Variants in PEX3 observed in about 807,000 individuals in gnomAD.
PEX3 encodes the protein peroxisomal biogenesis factor 3.
PEX3 carries 30 observed loss-of-function variants against 55.8 expected under a neutral mutation model. The observed-to-expected ratio is 0.54, with a 90% CI of 0.40 to 0.73. The LOEUF is 0.73. Ranked by LOEUF, PEX3 falls within the 30% of genes least tolerant of loss-of-function variation. PEX3 has a pLI of 0.00. For missense variants in PEX3, 351 were observed against 432.8 expected, an observed-to-expected ratio of 0.81 and a Z score of 1.68; for synonymous variants, 135 against 148.4, an observed-to-expected ratio of 0.91 and a Z score of 0.66.
In PEX3 at chr6:143,462,406, C is replaced by A. The variant is rs1192100686; in HGVS notation, c.206-510C>A. Among the ~76,000 whole-genome samples, 1 of 152,158 alleles carries A rather than the reference C, an allele frequency of 6.6e-6. No individual in the cohort carries two copies. Among genetic ancestry groups the A allele is most frequent in the Non-Finnish European group, 1.5e-5 (1 of 68,032 alleles). On this transcript the variant is annotated intron_variant, in intron 2 of 11. Coordinates refer to ENST00000367591, the MANE Select transcript of PEX3 (RefSeq NM_003630.3). This position sits in a 1 kb window ranked among gnomAD's most constrained non-coding sequence, Gnocchi z 4.1. ...ACTCAGCAACTCTTAGTTCCTAACC[C>A]AGTGCACTTTTGTCTAGGTTATAAT...
Position 143,486,825 on chromosome 6 carries a change from A to G in PEX3, c.1038+1577A>G, listed in dbSNP as rs1375272819. Among the ~76,000 whole-genome samples, 1 of 152,216 alleles carries G rather than the reference A, an allele frequency of 6.6e-6. No individual in the cohort carries two copies. The highest frequency in any genetic ancestry group is 1.5e-5 in the Non-Finnish European group (1 of 68,024). On this transcript the variant is annotated intron_variant, in intron 11 of 11. Transcript: ENST00000367591. This position sits in a 1 kb window ranked among gnomAD's most constrained non-coding sequence, Gnocchi z 5.0. Reference sequence around the variant, plus strand: ...GGGGTTTGGCAAACTGTACAGGGCCAGATAGTACATACTTTAGGCTTAATG... The same window carrying G: ...GGGGTTTGGCAAACTGTACAGGGCCGGATAGTACATACTTTAGGCTTAATG...
chr6:143,474,907 T>A (rs1780131326), intron 9 of PEX3, 51 bp downstream of exon 9: 1 of 945,238 alleles, frequency 1.1e-6, no homozygotes, highest in Non-Finnish European at 1.7e-6. Flanking sequence ...TTGAATGTAC[T>A]TGAGACTATT....
intron 1 of PEX3, among the ~76,000 whole-genome samples, chr6:143,452,913 T>C (rs1305437733): frequency 2.0e-5 from 3 of 152,208 alleles, no homozygotes; most frequent in Non-Finnish European, 4.4e-5. Context: ...GGTGCCCACT[T>C]TACGCTGGGC....
chr6:143,489,278 C>A lies in PEX3; in HGVS notation c.*52C>A. 2.1e-6 allele frequency: 2 copies of A among 941,132 alleles called. No individual in the cohort carries two copies. The highest frequency in any genetic ancestry group is 3.5e-6 in the Non-Finnish European group (2 of 566,922). The allele number at this position is 941,132 out of a possible 1,614,324, so 58.3% of individuals were successfully genotyped here. On this transcript the variant is annotated 3_prime_UTR_variant, in exon 12 of 12. Transcript: ENST00000367591. This position sits in a 1 kb window ranked among gnomAD's most constrained non-coding sequence, Gnocchi z 5.5. Reference sequence around the variant, plus strand: ...GGATTCATTTACTTTTTAAAATACACTGGGTAAATCACCTATACTTAGAGT... The same window carrying A: ...GGATTCATTTACTTTTTAAAATACAATGGGTAAATCACCTATACTTAGAGT...
intron 1 of PEX3, among the ~76,000 whole-genome samples, chr6:143,457,987 G>A (rs1371482177): frequency 2.0e-5 from 3 of 152,180 alleles, no homozygotes; most frequent in Admixed American, 1.3e-4. Context: ...TAGTTCATAT[G>A]AATATTACTA....
chr6:143,474,747 A>G (rs1340334751), intron 8 of PEX3, 39 bp from the exon 9 acceptor site: 1 of 1,007,748 alleles, frequency 9.9e-7, no homozygotes, highest in Admixed American at 1.7e-5. Context: ...CCCTGTGCTA[A>G]TGTTTGAAAA....
In PEX3 at chr6:143,479,429, T is replaced by C. The variant is rs1269981810; in HGVS notation, c.941+231T>C. Among the ~76,000 whole-genome samples, 2 of 152,158 alleles carry C rather than the reference T, an allele frequency of 1.3e-5. No individual in the cohort carries two copies. Among genetic ancestry groups the C allele is most frequent in the Non-Finnish European group, 2.9e-5 (2 of 67,972 alleles). On this transcript the variant is annotated intron_variant, in intron 10 of 11. Coordinates refer to ENST00000367591, the MANE Select transcript of PEX3 (RefSeq NM_003630.3). This position sits in a 1 kb window ranked among gnomAD's most constrained non-coding sequence, Gnocchi z 4.6. ...ACTTTGCCACTATATTGAAGTACTT[T>C]AGTTGTAATTACCTTTCTATAAGTT...
Position 143,463,538 on chromosome 6 carries a change from T to A in PEX3, c.287+541T>A, listed in dbSNP as rs1562652527. Among the ~76,000 whole-genome samples, 2 of 152,122 alleles carry A rather than the reference T, an allele frequency of 1.3e-5. No homozygotes were observed. Among genetic ancestry groups the A allele is most frequent in the African/African-American group, 4.8e-5 (2 of 41,382 alleles). ...ACTTTCACATATGTAACCTTGTATA[T>A]TGCATGTAGCATGTGTTGGGGTATT... On this transcript the variant is annotated intron_variant, in intron 3 of 11. Coordinates refer to ENST00000367591, the MANE Select transcript of PEX3 (RefSeq NM_003630.3). This position sits in a 1 kb window ranked among gnomAD's most constrained non-coding sequence, Gnocchi z 5.7.
chr6:143,465,829 A>T lies in PEX3; in HGVS notation c.288-2293A>T, dbSNP rs1234905618. ...GAAACTATAGAGTCTGCTCATTGGC[A>T]AAGAAAGACAAGAAGCTAGTAGTAT... On this transcript the variant is annotated intron_variant, in intron 3 of 11. Transcript: ENST00000367591. The surrounding 1 kb of genome is among the most constrained non-coding windows in gnomAD (Gnocchi z 4.7). Among the ~76,000 whole-genome samples the T allele has an allele frequency of 6.6e-6, 1 of 152,084 alleles. No individual in the cohort carries two copies.
chr6:143,451,575 G>A lies in PEX3; in HGVS notation c.73+460G>A, dbSNP rs1562648685. 6.6e-6 allele frequency among the ~76,000 whole-genome samples: 1 copy of A among 152,290 alleles called. No individual in the cohort carries two copies. The highest frequency in any genetic ancestry group is 1.9e-4 in the East Asian group (1 of 5,186). On this transcript the variant is annotated intron_variant, in intron 1 of 11. Coordinates refer to ENST00000367591, the MANE Select transcript of PEX3 (RefSeq NM_003630.3). This position sits in a 1 kb window ranked among gnomAD's most constrained non-coding sequence, Gnocchi z 4.1. The stretch of plus-strand genomic sequence containing the variant: ...TTCGGGTGGTGGTTAAAGTCGATTT[G>A]AATTTTTGAAAACAGCGCAGTTGTC...
At position 143,482,582 on chromosome 6, in the gene PEX3, G is replaced by T. The variant is rs1355746786; in HGVS notation, c.942-2570G>T. Reference sequence around the variant, plus strand: ...AATGAGAATGTTTAAGCAGTTATTGGAAAAGAAGAGCAATGGATATGCTTT... The same window carrying T: ...AATGAGAATGTTTAAGCAGTTATTGTAAAAGAAGAGCAATGGATATGCTTT... On this transcript the variant is annotated intron_variant, in intron 10 of 11. Coordinates refer to ENST00000367591, the MANE Select transcript of PEX3 (RefSeq NM_003630.3). This position sits in a 1 kb window ranked among gnomAD's most constrained non-coding sequence, Gnocchi z 5.5. 6.6e-6 allele frequency among the ~76,000 whole-genome samples: 1 copy of T among 151,820 alleles called. No homozygotes were observed.
chr6:143,480,967 G>A (rs1440426152), intron 10 of PEX3, among the ~76,000 whole-genome samples: 1 of 152,096 alleles, frequency 6.6e-6, no homozygotes, highest in Non-Finnish European at 1.5e-5. Flanking sequence ...AGCTGTGATT[G>A]TGCTACTGCA....
intron 10 of PEX3, among the ~76,000 whole-genome samples, chr6:143,480,265 A>T (rs1780216743): frequency 6.6e-6 from 1 of 152,232 alleles, no homozygotes; most frequent in African/African-American, 2.4e-5. Context: ...AAGGTGCTCC[A>T]ATTAGTAAAA....
At position 143,471,398 on chromosome 6, in the gene PEX3, C is replaced by G. The variant is rs1780071841; in HGVS notation, c.472C>G (p.Pro158Ala). Reference protein sequence around the residue: ...GKNGTTILAPPDVQQQYLSSI... With the variant: ...GKNGTTILAPADVQQQYLSSI... The stretch of plus-strand genomic sequence containing the variant: ...TTTTATACAGACAATTCTTGCTCCC[C>G]CAGATGTCCAACAGCAGTATTTATC... The change falls in exon 6 of 12, where the codon CCA becomes GCA. Residue 158 changes from proline to alanine, a missense_variant. Pro to Ala is a conservative substitution (Grantham distance 27, BLOSUM62 -1). Coordinates refer to ENST00000367591, the MANE Select transcript of PEX3 (RefSeq NM_003630.3). The surrounding 1 kb of genome is among the most constrained non-coding windows in gnomAD (Gnocchi z 5.4). 2 of 1,606,318 alleles carry G rather than the reference C, an allele frequency of 1.2e-6. No homozygotes were observed. Among genetic ancestry groups the G allele is most frequent in the African/African-American group, 1.3e-5 (1 of 74,900 alleles).
chr6:143,471,643 C>T lies in PEX3; in HGVS notation c.578+32C>T. ...CATTTTTCTTTGACTTTTCTGACTT[C>T]TTGATTCTAATGAGTGAAAGAAAAT... On this transcript the variant is annotated intron_variant, in intron 7 of 11. Transcript: ENST00000367591. This position sits in a 1 kb window ranked among gnomAD's most constrained non-coding sequence, Gnocchi z 5.4. The T allele has an allele frequency of 6.6e-7, 1 of 1,508,350 alleles. No homozygotes were observed. The highest frequency in any genetic ancestry group is 1.1e-5 in the South Asian group (1 of 88,898). The allele number at this position is 1,508,350 out of a possible 1,614,324, so 93.4% of individuals were successfully genotyped here.
Position 143,485,737 on chromosome 6 carries a change from A to G in PEX3, c.1038+489A>G, listed in dbSNP as rs1450476192. On this transcript the variant is annotated intron_variant, in intron 11 of 11. Coordinates refer to ENST00000367591, the MANE Select transcript of PEX3 (RefSeq NM_003630.3). The surrounding 1 kb of genome is among the most constrained non-coding windows in gnomAD (Gnocchi z 5.6). ...GGTCATTTAAATGTTTTATCAGACT[A>G]CCTATAACTCCATCTTATTTCTTCA... Among the ~76,000 whole-genome samples the G allele has an allele frequency of 1.3e-5, 2 of 152,118 alleles. No individual in the cohort carries two copies. Among genetic ancestry groups the G allele is most frequent in the Non-Finnish European group, 2.9e-5 (2 of 68,010 alleles).
chr6:143,488,555 TCA>T lies in PEX3; in HGVS notation c.1039-585_1039-584del, dbSNP rs909426426. ...AAAGTCATACAACCTGCTAATATTA[TCA>T]CAGTTTGTTGCCTACATTCATAATT... On this transcript the variant is annotated intron_variant, in intron 11 of 11. Coordinates refer to ENST00000367591, the MANE Select transcript of PEX3 (RefSeq NM_003630.3). The surrounding 1 kb of genome is among the most constrained non-coding windows in gnomAD (Gnocchi z 4.9). Among the ~76,000 whole-genome samples, 1 of 152,094 alleles carries T rather than the reference TCA, an allele frequency of 6.6e-6. No individual in the cohort carries two copies. Among genetic ancestry groups the T allele is most frequent in the African/African-American group, 2.4e-5 (1 of 41,448 alleles).
chr6:143,477,650 A>G (rs1161989381), intron 9 of PEX3, among the ~76,000 whole-genome samples: 1 of 152,084 alleles, frequency 6.6e-6, no homozygotes, highest in Admixed American at 6.5e-5. Context: ...CATTTCTTTC[A>G]TTGGCCTAAA....
rs1429158044 is a variant in PEX3 at position 143,471,341 on chromosome 6, T to C, written c.457-42T>C. The stretch of plus-strand genomic sequence containing the variant: ...ATTGAAAACATTTCTTATTTACCAG[T>C]TTAAAACTTGGATAATTGAACTGTA... On this transcript the variant is annotated intron_variant, in intron 5 of 11. Transcript: ENST00000367591. The surrounding 1 kb of genome is among the most constrained non-coding windows in gnomAD (Gnocchi z 5.4). 7.1e-7 allele frequency: 1 copy of C among 1,402,310 alleles called. No homozygotes were observed. The highest frequency in any genetic ancestry group is 1.4e-5 in the African/African-American group (1 of 70,786). 86.9% of individuals were successfully genotyped at this position (1,402,310 alleles called of 1,614,324 possible).
Sources: gnomAD v4.1 joint callset for allele counts (sites outside exome capture counted in the v4.1 genomes callset) on GRCh38, gnomAD v4.1.1 for gene constraint, Gnocchi (gnomAD v3.1) non-coding constraint, MANE v1.5 for transcripts, NCBI Gene and HGNC (gene_info 2026-07-23, HGNC 2026-07-21) for gene names.